Variants in PALS2 observed in about 807,000 individuals in gnomAD.
The protein encoded by PALS2 is protein PALS2.
PALS2 carries 27 observed loss-of-function variants against 61.6 expected under a neutral mutation model. The observed-to-expected ratio is 0.44, with a 90% CI of 0.32 to 0.60. The LOEUF is 0.60. Among genes scored for constraint, PALS2 ranks in the 20% least tolerant of loss-of-function variants. The pLI is 0.05. For missense variants in PALS2, 554 were observed against 639.4 expected, an observed-to-expected ratio of 0.87 and a Z score of 1.44; for synonymous variants, 236 against 218.6, an observed-to-expected ratio of 1.08 and a Z score of -0.70.
chr7:24,656,808 C>T (rs973990998), intron 5 of PALS2, among the ~76,000 whole-genome samples: 3 of 152,194 alleles, frequency 2.0e-5, no homozygotes, highest in South Asian at 2.1e-4. Flanking sequence ...CTAGGATTAC[C>T]GGCATAAGCC....
At position 24,640,989 on chromosome 7, in the gene PALS2, C is replaced by T. The variant is rs185928052; in HGVS notation, c.118-727C>T. 4.3e-3 allele frequency among the ~76,000 whole-genome samples: 480 copies of T among 110,442 alleles called. 6 individuals are homozygous for T. The highest frequency in any genetic ancestry group is 0.017 in the African/African-American group (455 of 27,092). The allele number at this position is 110,442 out of a possible 152,430, so 72.5% of individuals were successfully genotyped here. On this transcript the variant is annotated intron_variant, in intron 2 of 11. Transcript: ENST00000222644. ...CGCCACTGCACTCCAGCCTGGGCAACAGTGCGAGACTCCATCTCAAAAAAA... is the reference window on the plus strand; with the variant it reads ...CGCCACTGCACTCCAGCCTGGGCAATAGTGCGAGACTCCATCTCAAAAAAA...
chr7:24,663,802 G>A (rs1283364951), intron 6 of PALS2, 81 bp downstream of exon 6: 1 of 1,441,374 alleles, frequency 6.9e-7, no homozygotes, highest in African/African-American at 1.4e-5. Flanking sequence ...TAGTCAGGAA[G>A]AATATTAGCA....
In PALS2 at chr7:24,650,622, A is replaced by G; in HGVS notation, c.561A>G (p.Pro187=). 1 of 1,612,728 alleles carries G rather than the reference A, an allele frequency of 6.2e-7. No homozygotes were observed. ...ATGGCCATGAGGTTGGAAATAATCC[A>G]AAGGAATTACAAGAATTACTGAAAA... ...EVNGHEVGNN[P]KELQELLKNI... Residue 187 remains proline (P), a synonymous_variant, in exon 5 of 12, where the codon CCA becomes CCG. Transcript: ENST00000222644.
intron 2 of PALS2, among the ~76,000 whole-genome samples, chr7:24,632,295 AC>A (rs1785033804): frequency 6.6e-6 from 1 of 152,192 alleles, no homozygotes; most frequent in African/African-American, 2.4e-5. Context: ...AGCATGATAC[AC>A]CTTTCTCCAT....
Position 24,687,791 on chromosome 7 carries a change from G to T in PALS2, c.*177G>T. 2.0e-6 allele frequency: 1 copy of T among 500,372 alleles called. No individual in the cohort carries two copies. Among genetic ancestry groups the T allele is most frequent in the Non-Finnish European group, 3.3e-6 (1 of 304,966 alleles). The allele number at this position is 500,372 out of a possible 1,614,324, so 31.0% of individuals were successfully genotyped here. ...ATTTTTATATAAAATGTGGTTGGAA[G>T]GTGTACTAATATATAATTTATCTTA... On this transcript the variant is annotated 3_prime_UTR_variant, in exon 12 of 12. Transcript: ENST00000222644. This position sits in a 1 kb window ranked among gnomAD's most constrained non-coding sequence, Gnocchi z 4.5.
Position 24,649,779 on chromosome 7 carries a change from A to G in PALS2, c.423+15A>G. ...GGGAACCACTGGTGAGTACAGATAA[A>G]TCAGTACCCTATTAAATCTGAAATA... On this transcript the variant is annotated intron_variant, in intron 4 of 11. Transcript: ENST00000222644. 1.9e-6 allele frequency: 3 copies of G among 1,564,028 alleles called. No individual in the cohort carries two copies. The highest frequency in any genetic ancestry group is 2.6e-6 in the Non-Finnish European group (3 of 1,156,562).
intron 5 of PALS2, among the ~76,000 whole-genome samples, chr7:24,655,047 T>G (rs1005830007): frequency 2.6e-5 from 4 of 152,196 alleles, no homozygotes; most frequent in African/African-American, 9.7e-5. Context: ...CATATAAAGA[T>G]ATATTGAAAA....
At position 24,687,481 on chromosome 7, in the gene PALS2, A is replaced by G; in HGVS notation, c.1490A>G (p.Gln497Arg). 12 of 1,612,436 alleles carry G rather than the reference A, an allele frequency of 7.4e-6. No individual in the cohort carries two copies. Among genetic ancestry groups the G allele is most frequent in the Non-Finnish European group, 1.0e-5 (12 of 1,179,536 alleles). Reference sequence around the variant, plus strand: ...ACAGTGGATGAAAGTGCACGGATTCAGAGAGCATACAACCACTATTTTGAT... The same window carrying G: ...ACAGTGGATGAAAGTGCACGGATTCGGAGAGCATACAACCACTATTTTGAT... ...KKTVDESARI[Q>R]RAYNHYFDLI... Residue 497 changes from glutamine to arginine, a missense_variant, in exon 12 of 12, where the codon CAG becomes CGG. Coordinates refer to ENST00000222644, the MANE Select transcript of PALS2 (RefSeq NM_001303037.2). The surrounding 1 kb of genome is among the most constrained non-coding windows in gnomAD (Gnocchi z 4.5).
intron 1 of PALS2, among the ~76,000 whole-genome samples, chr7:24,619,734 AAG>A (rs1784424711): frequency 6.7e-6 from 1 of 150,236 alleles, no homozygotes; most frequent in South Asian, 2.1e-4. Flanking sequence ...AAAAAAAAAA[AAG>A]AAAGAAAAAA....
At chr7:24,650,858 GTGAATTTT>G in intron 5 of PALS2, 146 bp downstream of exon 5, 1 of 602,820 alleles carries the variant, frequency 1.7e-6, no homozygotes, top group Non-Finnish European at 2.8e-6. Context: ...TTTGTCATGG[GTGAATTTT>G]TGAATTTTTA....
chr7:24,649,608 A>G lies in PALS2; in HGVS notation c.271-4A>G. On this transcript the variant is annotated splice_region_variant and splice_polypyrimidine_tract_variant and intron_variant, in intron 3 of 11. Coordinates refer to ENST00000222644, the MANE Select transcript of PALS2 (RefSeq NM_001303037.2). ...TAACCACAGGCTATTTTGACTCCTTATAGTCACTGTTGGAGGCCCATGATA... is the reference window on the plus strand; with the variant it reads ...TAACCACAGGCTATTTTGACTCCTTGTAGTCACTGTTGGAGGCCCATGATA... 6.3e-7 allele frequency: 1 copy of G among 1,587,386 alleles called. No homozygotes were observed. Among genetic ancestry groups the G allele is most frequent in the Middle Eastern group, 1.7e-4 (1 of 5,864 alleles).
rs1787140638 is a variant in PALS2 at position 24,668,458 on chromosome 7, A to G, written c.953-41A>G. The G allele has an allele frequency of 2.6e-6, 4 of 1,552,736 alleles. No individual in the cohort carries two copies. In the East Asian group the frequency reaches 9.1e-5, roughly 35 times the overall value. ...AATTGCAGAGATTTCTTTCATGTATATAAAAGTTGACTTTGTATTCCCATT... is the reference window on the plus strand; with the variant it reads ...AATTGCAGAGATTTCTTTCATGTATGTAAAAGTTGACTTTGTATTCCCATT... On this transcript the variant is annotated intron_variant, in intron 8 of 11. Transcript: ENST00000222644.
At chr7:24,632,241 G>A (rs749332105) in intron 2 of PALS2, among the ~76,000 whole-genome samples, 1 of 152,128 alleles carries the variant, frequency 6.6e-6, no homozygotes, top group Non-Finnish European at 1.5e-5. Context: ...AGTCTGCCCT[G>A]TCTGAAATTA....
chr7:24,664,101 G>T (rs1235399906), intron 6 of PALS2, among the ~76,000 whole-genome samples: 1 of 152,080 alleles, frequency 6.6e-6, no homozygotes, highest in Non-Finnish European at 1.5e-5. Context: ...AAATAAGTGT[G>T]TCTCTTGTCT....
intron 1 of PALS2, among the ~76,000 whole-genome samples, chr7:24,606,924 A>G (rs1380306465): frequency 2.6e-5 from 4 of 152,198 alleles, no homozygotes; most frequent in Non-Finnish European, 5.9e-5. Flanking sequence ...TTGTGTACAT[A>G]GCATGAAAGT....
At chr7:24,620,085 G>A (rs112918006) in intron 1 of PALS2, 44 of 152,148 alleles carry the variant, frequency 2.9e-4, no homozygotes, top group African/African-American at 1.0e-3. Context: ...AAAAAATCAC[G>A]AAAGTACATT....
At chr7:24,624,613 T>C (rs1272001955) in intron 2 of PALS2, among the ~76,000 whole-genome samples, 2 of 143,372 alleles carry the variant, frequency 1.4e-5, no homozygotes, top group South Asian at 2.2e-4. Context: ...TTCTTTTTTT[T>C]TTTTTTTTTT....
intron 1 of PALS2, among the ~76,000 whole-genome samples, chr7:24,577,002 CT>C (rs1302226368): frequency 6.6e-6 from 1 of 152,104 alleles, no homozygotes; most frequent in African/African-American, 2.4e-5. Flanking sequence ...AGTATTTAAC[CT>C]TGTTAATGTC....
intron 1 of PALS2, chr7:24,597,311 A>T (rs1192037165): frequency 1.3e-5 from 2 of 152,226 alleles, no homozygotes; most frequent in African/African-American, 4.8e-5. Context: ...CAGCAGTGAT[A>T]GTCTGTCCTT....
Sources: gnomAD v4.1 joint callset for allele counts (sites outside exome capture counted in the v4.1 genomes callset) on GRCh38, gnomAD v4.1.1 for gene constraint, Gnocchi (gnomAD v3.1) non-coding constraint, MANE v1.5 for transcripts, NCBI Gene and HGNC (gene_info 2026-07-23, HGNC 2026-07-21) for gene names.